Variants in GFRA1 observed in about 807,000 individuals in gnomAD.
GFRA1 encodes GDNF family receptor alpha 1, also known as GDNF family receptor alpha-1.
In GFRA1, 16 loss-of-function variants were observed where a neutral mutation model predicts 51.6. That is an observed-to-expected ratio of 0.31 (90% CI 0.21 to 0.47). GFRA1 has a LOEUF of 0.47. Ranked by LOEUF, GFRA1 falls within the 20% of genes least tolerant of loss-of-function variation. The pLI is 1.00. For missense variants in GFRA1, 530 were observed against 594.3 expected (o/e 0.89, Z 1.13); for synonymous variants, 270 against 241.3 (o/e 1.12, Z -1.10).
At chr10:116,146,649 C>T (rs1333918286) in intron 5 of GFRA1, among the ~76,000 whole-genome samples, 5 of 152,170 alleles carry the variant, frequency 3.3e-5, no homozygotes, top group Non-Finnish European at 7.4e-5. Context: ...TAGCAATACA[C>T]AGAAGTAACT....
chr10:116,258,241 G>A (rs936599416), intron 4 of GFRA1, among the ~76,000 whole-genome samples: 5 of 151,712 alleles, frequency 3.3e-5, no homozygotes, highest in African/African-American at 1.2e-4. Flanking sequence ...TCTGATGAAT[G>A]AATTTGGCAG....
chr10:116,073,303 ACTT>A (rs1430774855), intron 9 of GFRA1, among the ~76,000 whole-genome samples: 1 of 152,180 alleles, frequency 6.6e-6, no homozygotes, highest in African/African-American at 2.4e-5. Context: ...GGCTGGGCTT[ACTT>A]CTTCTTTTCA....
At chr10:116,195,444 G>C (rs1963651420) in intron 5 of GFRA1, among the ~76,000 whole-genome samples, 1 of 152,168 alleles carries the variant, frequency 6.6e-6, no homozygotes, top group Admixed American at 6.5e-5. Flanking sequence ...TATTGCTTAA[G>C]GATGAAACTA....
At chr10:116,144,814 TC>T (rs1251199493) in intron 5 of GFRA1, among the ~76,000 whole-genome samples, 1 of 152,072 alleles carries the variant, frequency 6.6e-6, no homozygotes, top group Non-Finnish European at 1.5e-5. Context: ...ATATAATACC[TC>T]CACACCATAA....
intron 9 of GFRA1, among the ~76,000 whole-genome samples, chr10:116,082,129 T>C (rs1214490632): frequency 6.6e-6 from 1 of 152,200 alleles, no homozygotes; most frequent in Admixed American, 6.5e-5. Context: ...CACCTCTTCC[T>C]AATGTCAGCA....
At chr10:116,138,765 T>C (rs1958441526) in intron 5 of GFRA1, among the ~76,000 whole-genome samples, 1 of 151,786 alleles carries the variant, frequency 6.6e-6, no homozygotes, top group African/African-American at 2.4e-5. Context: ...TGAGCCTTCA[T>C]GTTTTATTTT....
chr10:116,258,400 A>T (rs1011945243), intron 4 of GFRA1, among the ~76,000 whole-genome samples: 1 of 47,196 alleles, frequency 2.1e-5, no homozygotes, highest in South Asian at 1.3e-3. Flanking sequence ...TAATAAAATA[A>T]AATATATTAT....
chr10:116,270,136 T>C (rs1843786531), intron 3 of GFRA1, among the ~76,000 whole-genome samples: 1 of 152,208 alleles, frequency 6.6e-6, no homozygotes, highest in Non-Finnish European at 1.5e-5. Flanking sequence ...ATGTTTGCGT[T>C]AGGCTTACAA....
chr10:116,205,727 A>G (rs986448428), intron 5 of GFRA1, among the ~76,000 whole-genome samples: 16 of 151,934 alleles, frequency 1.1e-4, no homozygotes, highest in Non-Finnish European at 1.9e-4. Flanking sequence ...AAGACAAGTT[A>G]GCGGTGGGAG....
chr10:116,143,741 T>A (rs1178941008), intron 5 of GFRA1, among the ~76,000 whole-genome samples: 1 of 151,928 alleles, frequency 6.6e-6, no homozygotes. Context: ...GAGCCACAGA[T>A]GGGAAATTAA....
At chr10:116,251,547 A>G (rs1968363042) in intron 4 of GFRA1, among the ~76,000 whole-genome samples, 1 of 152,194 alleles carries the variant, frequency 6.6e-6, no homozygotes, top group Admixed American at 6.5e-5. Context: ...AGGGTCTAGC[A>G]AAAAACGTAT....
intron 4 of GFRA1, among the ~76,000 whole-genome samples, chr10:116,256,085 A>T (rs544542225): frequency 9.9e-5 from 15 of 152,270 alleles, no homozygotes; most frequent in African/African-American, 3.6e-4. Context: ...GGAAAAACAA[A>T]TGAAACATTC....
rs538863998 is a variant in GFRA1 at position 116,072,114 on chromosome 10, C to T, written c.1198-6488G>A. ...AATTTGCCTTTTCAGATATATTCAACTTAGTTTGCATTGAAGCAATTGTCC... is the reference window on the plus strand; with the variant it reads ...AATTTGCCTTTTCAGATATATTCAATTTAGTTTGCATTGAAGCAATTGTCC... On this transcript the variant is annotated intron_variant, in intron 9 of 10. Transcript: ENST00000355422. 4.9e-4 allele frequency among the ~76,000 whole-genome samples: 74 copies of T among 151,532 alleles called. 1 individual carries two copies. In the South Asian group the frequency reaches 0.015, roughly 32 times the overall value.
chr10:116,168,326 G>A (rs1447455293), intron 5 of GFRA1, among the ~76,000 whole-genome samples: 4 of 151,992 alleles, frequency 2.6e-5, no homozygotes, highest in Non-Finnish European at 5.9e-5. Context: ...GCCCTCTCCC[G>A]CTACCATGTT....
At chr10:116,197,996 A>G (rs1296132933) in intron 5 of GFRA1, among the ~76,000 whole-genome samples, 1 of 152,138 alleles carries the variant, frequency 6.6e-6, no homozygotes, top group Non-Finnish European at 1.5e-5. Flanking sequence ...AGATCCTATA[A>G]GCTGATGTGA....
At chr10:116,238,328 C>T (rs969307264) in intron 4 of GFRA1, among the ~76,000 whole-genome samples, 2 of 152,188 alleles carry the variant, frequency 1.3e-5, no homozygotes, top group Admixed American at 6.5e-5. Context: ...CTTCATCTGA[C>T]TTCTAAGTGT....
chr10:116,096,231 G>A (rs1956567287), intron 7 of GFRA1, among the ~76,000 whole-genome samples: 1 of 152,088 alleles, frequency 6.6e-6, no homozygotes, highest in South Asian at 2.1e-4. Flanking sequence ...GGCCATTTCT[G>A]GGAAGCAGCC....
intron 4 of GFRA1, among the ~76,000 whole-genome samples, chr10:116,253,307 G>A (rs912383580): frequency 1.3e-5 from 2 of 152,170 alleles, no homozygotes; most frequent in African/African-American, 2.4e-5. Context: ...GGCAGGCACC[G>A]GACAGAAACC....
intron 9 of GFRA1, among the ~76,000 whole-genome samples, chr10:116,069,509 C>T (rs1412793968): frequency 1.3e-5 from 2 of 152,152 alleles, no homozygotes; most frequent in African/African-American, 4.8e-5. Context: ...AGCTTTGTCT[C>T]TCCAGCAGCT....
Sources: gnomAD v4.1 joint callset for allele counts (sites outside exome capture counted in the v4.1 genomes callset) on GRCh38, gnomAD v4.1.1 for gene constraint, MANE v1.5 for transcripts, NCBI Gene and HGNC (gene_info 2026-07-23, HGNC 2026-07-21) for gene names.